The following SPMAP1 variants were observed in gnomAD, a reference collection of about 807,000 sequenced individuals.
SPMAP1 encodes the protein sperm microtubule associated protein 1.
At chr17:38,835,541 C>T in the SPMAP1 span, among the ~76,000 whole-genome samples, 8 of 152,288 alleles carry the variant, frequency 5.3e-5, no homozygotes, top group South Asian at 1.7e-3. Flanking sequence ...CAGAAGGCTT[C>T]CTAGAAATAA....
At chr17:38,841,163 C>T in the SPMAP1 span, 1 of 1,593,374 alleles carries the variant, frequency 6.3e-7, no homozygotes, top group Non-Finnish European at 8.6e-7. Context: ...TGTGTGGGGT[C>T]TTCCGGGAAG....
At chr17:38,837,593 G>T in the SPMAP1 span, among the ~76,000 whole-genome samples, 7 of 151,314 alleles carry the variant, frequency 4.6e-5, no homozygotes, top group Non-Finnish European at 7.4e-5. Flanking sequence ...CGGTACAATT[G>T]CTTGAACCCC....
chr17:38,839,984 C>G, the SPMAP1 span, among the ~76,000 whole-genome samples: 1 of 152,086 alleles, frequency 6.6e-6, no homozygotes, highest in Non-Finnish European at 1.5e-5. Flanking sequence ...ACCGCTTATA[C>G]GTAGAAACAC....
the SPMAP1 span, chr17:38,841,123 T>G: frequency 1.6e-4 from 206 of 1,322,896 alleles, no homozygotes; most frequent in Non-Finnish European, 1.9e-4. Context: ...TTCTTTGTGG[T>G]GAGAACGCTG....
At chr17:38,836,948 C>CAA in the SPMAP1 span, among the ~76,000 whole-genome samples, 133 of 127,418 alleles carry the variant, frequency 1.0e-3, 1 homozygote, top group African/African-American at 9.1e-4. Context: ...GACCACGTCT[C>CAA]AAAAAAAAAA....
the SPMAP1 span, chr17:38,841,074 G>T: frequency 1.0e-5 from 7 of 687,102 alleles, no homozygotes; most frequent in Non-Finnish European, 1.4e-5. Context: ...ATTTAAAAAA[G>T]AAAAGAAAGT....
the SPMAP1 span, among the ~76,000 whole-genome samples, chr17:38,836,557 G>C: frequency 1.3e-5 from 2 of 150,354 alleles, no homozygotes; most frequent in African/African-American, 4.9e-5. Context: ...TAGTAATTGT[G>C]CTACTGCATT....
the SPMAP1 span, among the ~76,000 whole-genome samples, chr17:38,838,336 A>G: frequency 6.6e-6 from 1 of 152,156 alleles, no homozygotes; most frequent in African/African-American, 2.4e-5. Context: ...ATTGGCTGGG[A>G]GCAGTGTAAT....
chr17:38,836,599 T>C, the SPMAP1 span, among the ~76,000 whole-genome samples: 1 of 141,654 alleles, frequency 7.1e-6, no homozygotes. Context: ...TTTTTTTTTT[T>C]TTTTTTTTTG....
the SPMAP1 span, among the ~76,000 whole-genome samples, chr17:38,840,067 G>T: frequency 4.6e-5 from 7 of 152,118 alleles, no homozygotes; most frequent in Non-Finnish European, 1.0e-4. Flanking sequence ...TGATCTGGGG[G>T]GTTGGTGGAG....
the SPMAP1 span, among the ~76,000 whole-genome samples, chr17:38,839,546 T>C: frequency 6.6e-6 from 1 of 150,978 alleles, no homozygotes; most frequent in Non-Finnish European, 1.5e-5. Context: ...CCAGCACTTT[T>C]GGAGGCCGAG....
chr17:38,835,183 A>T, the SPMAP1 span: 6 of 1,613,530 alleles, frequency 3.7e-6, no homozygotes, highest in Non-Finnish European at 5.1e-6. Flanking sequence ...AAGGGAAAAG[A>T]TGCTGTTAGA....
the SPMAP1 span, among the ~76,000 whole-genome samples, chr17:38,836,919 A>G: frequency 6.6e-6 from 1 of 150,810 alleles, no homozygotes; most frequent in South Asian, 2.1e-4. Flanking sequence ...CATGCATTCC[A>G]GTTTGGGTGA....
At chr17:38,840,225 G>A in the SPMAP1 span, among the ~76,000 whole-genome samples, 229 of 152,286 alleles carry the variant, frequency 1.5e-3, 5 homozygotes, top group East Asian at 0.039. Context: ...GATGTCACAG[G>A]AGGAAGGCGT....
the SPMAP1 span, chr17:38,837,085 AG>A: frequency 4.9e-6 from 6 of 1,226,684 alleles, no homozygotes; most frequent in Non-Finnish European, 7.3e-6. Context: ...CCCCTCAACC[AG>A]GCCTTGCTAT....
At chr17:38,837,302 A>T in the SPMAP1 span, 1 of 1,107,094 alleles carries the variant, frequency 9.0e-7, no homozygotes, top group Non-Finnish European at 1.4e-6. Context: ...AGGGGGACAC[A>T]GTGCAAACTG....
At chr17:38,838,836 G>C in the SPMAP1 span, among the ~76,000 whole-genome samples, 2 of 152,006 alleles carry the variant, frequency 1.3e-5, no homozygotes, top group African/African-American at 4.8e-5. Context: ...TGTAATCCCA[G>C]CACTTTGGGA....
At chr17:38,838,226 A>G in the SPMAP1 span, among the ~76,000 whole-genome samples, 17 of 152,130 alleles carry the variant, frequency 1.1e-4, no homozygotes, top group Non-Finnish European at 2.5e-4. Flanking sequence ...AGGGCCTGGC[A>G]TAGTAAAGTT....
the SPMAP1 span, among the ~76,000 whole-genome samples, chr17:38,836,001 G>C: frequency 6.6e-6 from 1 of 152,072 alleles, no homozygotes; most frequent in East Asian, 1.9e-4. Flanking sequence ...TGCAACCTCT[G>C]CCTCCCGGGT....
Sources: gnomAD v4.1 joint callset for allele counts (sites outside exome capture counted in the v4.1 genomes callset) on GRCh38, gnomAD v4.1.1 for gene constraint, MANE v1.5 for transcripts, NCBI Gene and HGNC (gene_info 2026-07-23, HGNC 2026-07-21) for gene names.